Variants in ITPR2 observed in about 807,000 individuals in gnomAD.
ITPR2 encodes inositol 1,4,5-trisphosphate-gated calcium channel ITPR2.
ITPR2 carries 207 observed loss-of-function variants against 317.1 expected under a neutral mutation model. The observed-to-expected ratio is 0.65, with a 90% CI of 0.58 to 0.73. The LOEUF (loss-of-function observed/expected upper bound fraction) is 0.73. Ranked by LOEUF, ITPR2 falls within the 30% of genes least tolerant of loss-of-function variation. The pLI is 0.00. For synonymous variants in ITPR2, 1,156 were observed against 1,149.1 expected (o/e 1.01, Z -0.12); for missense variants, 2,613 against 3,284.0 (o/e 0.80, Z 4.99).
chr12:26,726,770 G>T (rs1232965968), intron 2 of ITPR2, among the ~76,000 whole-genome samples: 4 of 151,986 alleles, frequency 2.6e-5, no homozygotes, highest in African/African-American at 9.7e-5. Flanking sequence ...AAAATTAATT[G>T]TATTTAAAAA....
rs540330943 is a variant in ITPR2, at chr12:26,524,705, G to T, written c.5073+25542C>A. On this transcript the variant is annotated intron_variant, in intron 37 of 56. Transcript: ENST00000381340. ...GATTGGTTTAATCTATACAAGGGCT[G>T]AAAACAAAGTACACAAACCAGATAT... 3.7e-4 allele frequency among the ~76,000 whole-genome samples: 56 copies of T among 152,232 alleles called. No individual in the cohort carries two copies. In the South Asian group the frequency reaches 4.8e-3, roughly 13 times the overall value.
chr12:26,501,090 C>T (rs1016409728), intron 37 of ITPR2, among the ~76,000 whole-genome samples: 3 of 152,224 alleles, frequency 2.0e-5, no homozygotes, highest in East Asian at 1.9e-4. Flanking sequence ...ACTAAGGATG[C>T]CCAATTTAAG....
chr12:26,509,237 G>T (rs1943266678), intron 37 of ITPR2, among the ~76,000 whole-genome samples: 1 of 152,188 alleles, frequency 6.6e-6, no homozygotes, highest in Admixed American at 6.5e-5. Context: ...AAGGGCTGGG[G>T]CTGGGAAGAA....
intron 2 of ITPR2, among the ~76,000 whole-genome samples, chr12:26,736,435 CATAAATAT>C (rs1592083093): frequency 6.6e-6 from 1 of 152,102 alleles, no homozygotes; most frequent in East Asian, 1.9e-4. Flanking sequence ...TTTATACAAA[CATAAATAT>C]AAGGTCAGAA....
At chr12:26,797,853 G>A (rs547452199) in intron 1 of ITPR2, among the ~76,000 whole-genome samples, 26 of 151,254 alleles carry the variant, frequency 1.7e-4, no homozygotes, top group Non-Finnish European at 3.5e-4. Flanking sequence ...TACCACACCC[G>A]GCTAATTTTT....
chr12:26,748,772 G>A (rs1949368339), intron 2 of ITPR2, among the ~76,000 whole-genome samples: 1 of 152,180 alleles, frequency 6.6e-6, no homozygotes, highest in African/African-American at 2.4e-5. Flanking sequence ...TGGGTGATGA[G>A]TCACTGGAGA....
intron 48 of ITPR2, among the ~76,000 whole-genome samples, chr12:26,430,924 T>C (rs1941187834): frequency 6.6e-6 from 1 of 152,186 alleles, no homozygotes; most frequent in Non-Finnish European, 1.5e-5. Context: ...GATCTTTCTG[T>C]TTCCTCTGCC....
intron 2 of ITPR2, among the ~76,000 whole-genome samples, chr12:26,766,960 C>T (rs1055320428): frequency 5.3e-5 from 8 of 152,060 alleles, no homozygotes; most frequent in African/African-American, 7.2e-5. Flanking sequence ...TGCATGTGTG[C>T]GTATATATAT....
At chr12:26,482,525 C>A (rs1942566162) in intron 42 of ITPR2, among the ~76,000 whole-genome samples, 1 of 152,080 alleles carries the variant, frequency 6.6e-6, no homozygotes, top group Admixed American at 6.6e-5. Flanking sequence ...ACAACAAAAC[C>A]AAATCTCTGA....
In ITPR2 at chr12:26,476,961, T is replaced by A. The variant is rs1178137667; in HGVS notation, c.6170A>T (p.Asp2057Val). 14 of 1,613,572 alleles carry A rather than the reference T, an allele frequency of 8.7e-6. No individual in the cohort carries two copies. The highest frequency in any genetic ancestry group is 1.0e-5 in the Non-Finnish European group (12 of 1,179,660). ...LLLAIMESRH[D>V]SENAERILFN... is the part of the protein sequence containing the mutation. ...AAGAATTCTTTCTGCATTCTCACTG[T>A]CATGTCTGCTTTCCATAATGGCCAG... Residue 2057 changes from aspartate to valine, a missense_variant, in exon 44 of 57, where the codon GAC becomes GTC. By Grantham distance (152) the Asp-to-Val change is radical. Transcript: ENST00000381340.
At position 26,495,227 on chromosome 12, in the gene ITPR2, A is replaced by T. The variant is rs760995410; in HGVS notation, c.5107T>A (p.Tyr1703Asn). Residue 1703 changes from tyrosine to asparagine, a missense_variant, in exon 38 of 57, where the codon TAC becomes AAC. Coordinates refer to ENST00000381340, the MANE Select transcript of ITPR2 (RefSeq NM_002223.4). ...CCAATACTATAATCACCTTTAAAGT[A>T]TCGATTCAGAAGTATCTTTCTTAAT... ...NTLRKILLNR[Y>N]FKGDYSIGVN... 1.2e-6 allele frequency: 2 copies of T among 1,605,494 alleles called. No homozygotes were observed. Among genetic ancestry groups the T allele is most frequent in the Non-Finnish European group, 8.5e-7 (1 of 1,172,398 alleles).
intron 54 of ITPR2, among the ~76,000 whole-genome samples, chr12:26,389,488 CT>C (rs200480528): frequency 0.047 from 6,867 of 145,094 alleles, 314 homozygotes; most frequent in African/African-American, 0.13. Context: ...GGCCTCTTTG[CT>C]TTTTTTTTTT....
chr12:26,749,563 T>C (rs1284417401), intron 2 of ITPR2, among the ~76,000 whole-genome samples: 2 of 152,222 alleles, frequency 1.3e-5, no homozygotes, highest in African/African-American at 2.4e-5. Context: ...TTCAGGGTGA[T>C]GATCACAGGA....
At chr12:26,782,634 T>C (rs1227508416) in intron 2 of ITPR2, among the ~76,000 whole-genome samples, 3 of 150,754 alleles carry the variant, frequency 2.0e-5, no homozygotes, top group East Asian at 1.9e-4. Flanking sequence ...ACTAAGGAGC[T>C]CAGCAACTTT....
At chr12:26,342,375 A>ATTC (rs1938145852) in intron 55 of ITPR2, among the ~76,000 whole-genome samples, 2 of 151,936 alleles carry the variant, frequency 1.3e-5, no homozygotes, top group Admixed American at 1.3e-4. Context: ...TGAATTTTAC[A>ATTC]AATGAAGAAA....
chr12:26,779,031 C>A (rs939462307), intron 2 of ITPR2, among the ~76,000 whole-genome samples: 13 of 152,178 alleles, frequency 8.5e-5, no homozygotes, highest in African/African-American at 3.1e-4. Context: ...CGAAAAGCTG[C>A]CAGTTTTGAG....
At chr12:26,570,611 T>A (rs1945134409) in intron 34 of ITPR2, among the ~76,000 whole-genome samples, 1 of 152,224 alleles carries the variant, frequency 6.6e-6, no homozygotes, top group Non-Finnish European at 1.5e-5. Flanking sequence ...AGATATTTTA[T>A]GGAATTTCCA....
At chr12:26,772,557 T>C (rs531389633) in intron 2 of ITPR2, among the ~76,000 whole-genome samples, 12 of 134,578 alleles carry the variant, frequency 8.9e-5, no homozygotes, top group Admixed American at 2.3e-4. Flanking sequence ...ATATAATACA[T>C]GTATTATATA....
intron 32 of ITPR2, among the ~76,000 whole-genome samples, chr12:26,592,274 G>A (rs921457793): frequency 6.6e-6 from 1 of 152,182 alleles, no homozygotes; most frequent in African/African-American, 2.4e-5. Context: ...TGGGGCAGAG[G>A]GGAAGTGGGG....
Sources: gnomAD v4.1 joint callset for allele counts (sites outside exome capture counted in the v4.1 genomes callset) on GRCh38, gnomAD v4.1.1 for gene constraint, MANE v1.5 for transcripts, NCBI Gene and HGNC (gene_info 2026-07-23, HGNC 2026-07-21) for gene names.